PAK5: variants seen among roughly 807,000 people sequenced by gnomAD.
PAK5 encodes the protein serine/threonine-protein kinase PAK 5.
In PAK5, 16 loss-of-function variants were observed where a neutral mutation model predicts 65.9. The ratio of observed to expected loss-of-function variants is 0.24; its 90% confidence interval spans 0.16 to 0.37. PAK5 has a LOEUF of 0.37. Ranked by LOEUF, PAK5 falls within the 10% of genes least tolerant of loss-of-function variation. The pLI, the probability that PAK5 is intolerant of heterozygous loss-of-function variation, is 1.00. For missense variants in PAK5, 785 were observed against 903.9 expected (o/e 0.87, Z 1.69); for synonymous variants, 371 against 354.9 (o/e 1.05, Z -0.51).
intron 2 of PAK5, among the ~76,000 whole-genome samples, chr20:9,653,289 A>T (rs1312396718): frequency 6.6e-6 from 1 of 152,218 alleles, no homozygotes; most frequent in African/African-American, 2.4e-5. Context: ...TATAACAATC[A>T]AAAGCCACTA....
intron 3 of PAK5, among the ~76,000 whole-genome samples, chr20:9,600,277 A>G (rs1332329083): frequency 2.0e-5 from 3 of 152,202 alleles, no homozygotes; most frequent in African/African-American, 7.2e-5. Context: ...TTTTGAGATC[A>G]GGAGGTGTGA....
rs77153693 is a variant in PAK5, at chr20:9,727,113, A to G, written c.-161-15678T>C. 8.1e-3 allele frequency among the ~76,000 whole-genome samples: 1,233 copies of G among 152,324 alleles called. 10 individuals are homozygous for G. Among genetic ancestry groups the G allele is most frequent in the Middle Eastern group, 0.021 (6 of 292 alleles). On this transcript the variant is annotated intron_variant, in intron 1 of 9. Transcript: ENST00000353224. ...GTGTATACTTCATTTAACCTACTGT[A>G]AATGAGTCATACTTCAACATTTTTC...
intron 7 of PAK5, 109 bp from the exon 8 acceptor site, chr20:9,544,603 C>G: frequency 9.8e-7 from 1 of 1,022,022 alleles, no homozygotes; most frequent in South Asian, 1.4e-5. Context: ...GTCTCATCAA[C>G]AGGCCTTGGA....
At chr20:9,548,053 C>T (rs1277488404) in intron 7 of PAK5, among the ~76,000 whole-genome samples, 5 of 152,180 alleles carry the variant, frequency 3.3e-5, no homozygotes, top group East Asian at 1.9e-4. Flanking sequence ...CGCAAACACA[C>T]GAGTCCACCT....
intron 2 of PAK5, among the ~76,000 whole-genome samples, chr20:9,651,005 T>A (rs2047195945): frequency 6.6e-6 from 1 of 152,224 alleles, no homozygotes; most frequent in Non-Finnish European, 1.5e-5. Context: ...TTTACAAAAT[T>A]ATCTAAAGGG....
chr20:9,664,416 CT>C (rs763444304), intron 2 of PAK5, among the ~76,000 whole-genome samples: 82 of 152,286 alleles, frequency 5.4e-4, no homozygotes, highest in Non-Finnish European at 1.0e-3. Flanking sequence ...CTCTAAAATT[CT>C]ATGATTCTTA....
At chr20:9,725,606 G>T (rs186281545) in intron 1 of PAK5, among the ~76,000 whole-genome samples, 4 of 152,046 alleles carry the variant, frequency 2.6e-5, no homozygotes, top group Admixed American at 6.6e-5. Context: ...GTTCTTATTC[G>T]ATAAATTTAA....
At chr20:9,568,056 T>C (rs2045712609) in intron 4 of PAK5, among the ~76,000 whole-genome samples, 1 of 151,930 alleles carries the variant, frequency 6.6e-6, no homozygotes, top group Non-Finnish European at 1.5e-5. Flanking sequence ...TATAGTGGAG[T>C]GTGTCCACTA....
chr20:9,593,251 G>T (rs1294766386), intron 3 of PAK5, among the ~76,000 whole-genome samples: 2 of 151,848 alleles, frequency 1.3e-5, no homozygotes, highest in Non-Finnish European at 2.9e-5. Flanking sequence ...TTGCAGTCAG[G>T]TATAATCATA....
chr20:9,766,259 C>T (rs2048756998), intron 1 of PAK5, among the ~76,000 whole-genome samples: 1 of 144,934 alleles, frequency 6.9e-6, no homozygotes, highest in Non-Finnish European at 1.5e-5. Flanking sequence ...TATATATGTT[C>T]TAATTGAATA....
At position 9,745,815 on chromosome 20, in the gene PAK5, C is replaced by T. The variant is rs558547509; in HGVS notation, c.-161-34380G>A. Reference sequence around the variant, plus strand: ...AAAAATGAGTTAATTCTGCCTAAATCCTCTAAATCTGAAAAGAAAAATGAG... The same window carrying T: ...AAAAATGAGTTAATTCTGCCTAAATTCTCTAAATCTGAAAAGAAAAATGAG... On this transcript the variant is annotated intron_variant, in intron 1 of 9. Coordinates refer to ENST00000353224, the MANE Select transcript of PAK5 (RefSeq NM_177990.4). 3.3e-5 allele frequency among the ~76,000 whole-genome samples: 5 copies of T among 151,956 alleles called. No individual in the cohort carries two copies. The East Asian group carries it at 9.7e-4, about 30-fold the overall frequency.
intron 2 of PAK5, among the ~76,000 whole-genome samples, chr20:9,666,434 G>A (rs1361035650): frequency 3.0e-4 from 31 of 104,248 alleles, no homozygotes; most frequent in African/African-American, 1.4e-3. Flanking sequence ...GCAAAAGGCG[G>A]AATGAAAAAA....
At chr20:9,642,097 G>A (rs917803165) in intron 3 of PAK5, among the ~76,000 whole-genome samples, 1 of 152,216 alleles carries the variant, frequency 6.6e-6, no homozygotes, top group Non-Finnish European at 1.5e-5. Context: ...GCCCAGGCAG[G>A]GGAGGTGCCG....
intron 1 of PAK5, among the ~76,000 whole-genome samples, chr20:9,780,989 T>C (rs1356729847): frequency 2.0e-5 from 3 of 152,144 alleles, no homozygotes; most frequent in Non-Finnish European, 4.4e-5. Context: ...CTTTATTTCA[T>C]GAAATAAACA....
At chr20:9,758,400 T>C (rs935298805) in intron 1 of PAK5, among the ~76,000 whole-genome samples, 23 of 152,064 alleles carry the variant, frequency 1.5e-4, no homozygotes, top group Admixed American at 3.9e-4. Context: ...CACCAACAGA[T>C]CTCCCCACAT....
intron 3 of PAK5, among the ~76,000 whole-genome samples, chr20:9,602,074 C>T (rs6056741): frequency 0.22 from 33,247 of 151,800 alleles, 5,107 homozygotes; most frequent in African/African-American, 0.44. Context: ...GGGAGGATCA[C>T]GAGGTCAAGA....
intron 1 of PAK5, among the ~76,000 whole-genome samples, chr20:9,821,982 T>C (rs2049426379): frequency 6.6e-6 from 1 of 152,188 alleles, no homozygotes; most frequent in Admixed American, 6.5e-5. Context: ...TATCAACTGG[T>C]CCACCAGTAC....
In PAK5 at chr20:9,665,085, G is replaced by GTTTTTTTTTTTTTTTTTT. The variant is rs754435525; in HGVS notation, c.-11-20747_-11-20746insAAAAAAAAAAAAAAAAAA. Among the ~76,000 whole-genome samples, 242 of 98,868 alleles carry GTTTTTTTTTTTTTTTTTT rather than the reference G, an allele frequency of 2.4e-3. 32 individuals carry two copies. Among genetic ancestry groups the GTTTTTTTTTTTTTTTTTT allele is most frequent in the African/African-American group, 5.1e-3 (125 of 24,608 alleles). 64.9% of individuals were successfully genotyped at this position (98,868 alleles called of 152,430 possible). The stretch of plus-strand genomic sequence containing the variant: ...CCACCATGCCCAGCTAAATTTTTCT[G>GTTTTTTTTTTTTTTTTTT]TTTTTTTTTTTTTTTGTAGTGATGA... On this transcript the variant is annotated intron_variant, in intron 2 of 9. Coordinates refer to ENST00000353224, the MANE Select transcript of PAK5 (RefSeq NM_177990.4).
At chr20:9,725,805 T>C (rs1243576381) in intron 1 of PAK5, among the ~76,000 whole-genome samples, 2 of 152,136 alleles carry the variant, frequency 1.3e-5, no homozygotes, top group Admixed American at 6.5e-5. Context: ...ATGAGTAAAT[T>C]TTAAATGCAC....
Sources: allele counts gnomAD v4.1 joint callset (sites outside exome capture counted in the v4.1 genomes callset), GRCh38; gene constraint gnomAD v4.1.1; transcripts MANE v1.5; gene names NCBI Gene and HGNC (gene_info 2026-07-23, HGNC 2026-07-21).